DNAH2: variants seen among roughly 807,000 people sequenced by gnomAD.
The protein encoded by DNAH2 is dynein axonemal heavy chain 2, also known as axonemal beta dynein heavy chain 2.
DNAH2 carries 323 observed loss-of-function variants against 523.5 expected under a neutral mutation model. The ratio of observed to expected loss-of-function variants is 0.62; its 90% CI spans 0.56 to 0.68. The LOEUF (loss-of-function observed/expected upper bound fraction) is 0.68, where lower values mean the gene tolerates loss of function less well. Among genes scored for constraint, DNAH2 ranks in the 30% least tolerant of loss-of-function variants. The pLI is 0.00. For missense variants in DNAH2, 4,907 were observed against 5,701.5 expected, an observed-to-expected ratio of 0.86 and a Z score of 4.49; for synonymous variants, 2,093 against 2,177.4, an observed-to-expected ratio of 0.96 and a Z score of 1.08.
At position 7,817,872 on chromosome 17, in the gene DNAH2, G is replaced by A. The variant is rs544430546; in HGVS notation, c.10236+16G>A. ...AGGAGGCCAGGTGTGAGGCTGGGGG[G>A]TCAGGTTAGCCCCCCCCTTCCTGAG... On this transcript the variant is annotated intron_variant, in intron 67 of 85. Coordinates refer to ENST00000572933, the MANE Select transcript of DNAH2 (RefSeq NM_020877.5). 2.5e-6 allele frequency: 4 copies of A among 1,610,964 alleles called. No individual in the cohort carries two copies. The highest frequency in any genetic ancestry group is 4.5e-5 in the East Asian group (2 of 44,320).
Position 7,796,451 on chromosome 17 carries a change from G to C in DNAH2, c.7675-13G>C, listed in dbSNP as rs974869590. 5 of 1,613,064 alleles carry C rather than the reference G, an allele frequency of 3.1e-6. No individual in the cohort carries two copies. The African/African-American group carries it at 6.7e-5, about 22-fold the overall frequency. ...CCAGCAGCCCTGGAGAGTGAGCCAGGGTCTGTTTCTAGAAGTCCCAGATCA... is the reference window on the plus strand; with the variant it reads ...CCAGCAGCCCTGGAGAGTGAGCCAGCGTCTGTTTCTAGAAGTCCCAGATCA... On this transcript the variant is annotated splice_polypyrimidine_tract_variant and intron_variant, in intron 49 of 85. Coordinates refer to ENST00000572933, the MANE Select transcript of DNAH2 (RefSeq NM_020877.5).
intron 22 of DNAH2, among the ~76,000 whole-genome samples, chr17:7,767,407 C>T (rs536465192): frequency 6.6e-6 from 1 of 152,156 alleles, no homozygotes; most frequent in African/African-American, 2.4e-5. Context: ...CACGCGTGTA[C>T]TTGTATTTGT....
intron 12 of DNAH2, among the ~76,000 whole-genome samples, chr17:7,749,257 G>A (rs541249284): frequency 1.8e-4 from 23 of 128,514 alleles, no homozygotes; most frequent in Non-Finnish European, 7.8e-5. Context: ...GTGGTGAGCC[G>A]AGATTGCGCC....
intron 12 of DNAH2, among the ~76,000 whole-genome samples, chr17:7,746,851 G>C (rs2075530467): frequency 6.6e-6 from 1 of 152,124 alleles, no homozygotes; most frequent in Non-Finnish European, 1.5e-5. Flanking sequence ...GCCAGGCATG[G>C]TGGCGTGCGC....
intron 63 of DNAH2, among the ~76,000 whole-genome samples, chr17:7,812,396 T>A (rs990215276): frequency 6.6e-6 from 1 of 152,030 alleles, no homozygotes; most frequent in Non-Finnish European, 1.5e-5. Flanking sequence ...GGCCGGGGGA[T>A]TGCTTGAGCC....
rs552122897 is a variant in DNAH2, at chr17:7,757,158, G to A, written c.1972G>A (p.Val658Met). 7 of 1,614,180 alleles carry A rather than the reference G, an allele frequency of 4.3e-6. No individual in the cohort carries two copies. The highest frequency in any genetic ancestry group is 1.7e-5 in the Admixed American group (1 of 60,020). The change falls in exon 13 of 86, where the codon GTG becomes ATG. Residue 658 changes from valine (V) to methionine (M), a missense_variant. By Grantham distance (21) the Val-to-Met change is conservative (BLOSUM62 1). Coordinates refer to ENST00000572933, the MANE Select transcript of DNAH2 (RefSeq NM_020877.5). Reference protein sequence around the residue: ...ERLLFETPHYVVNVAERAEDL... With the variant: ...ERLLFETPHYMVNVAERAEDL... ...GCTGCTGTTTGAGACGCCCCATTAC[G>A]TGGTGAACGTAGCTGAGCGAGCCGA...
chr17:7,769,692 G>A (rs1419706224), intron 24 of DNAH2, among the ~76,000 whole-genome samples: 1 of 152,014 alleles, frequency 6.6e-6, no homozygotes, highest in Non-Finnish European at 1.5e-5. Flanking sequence ...CAAACCATTG[G>A]GGATAGATTT....
intron 44 of DNAH2, among the ~76,000 whole-genome samples, chr17:7,790,661 C>G (rs1367793725): frequency 6.6e-6 from 1 of 152,198 alleles, no homozygotes; most frequent in African/African-American, 2.4e-5. Flanking sequence ...CCTCACTCCA[C>G]ACAAGTAACT....
chr17:7,788,376 G>T, intron 44 of DNAH2, 132 bp downstream of exon 44: 2 of 1,146,236 alleles, frequency 1.7e-6, no homozygotes, highest in Non-Finnish European at 2.4e-6. Context: ...CCAGGGGGAG[G>T]CTTCAACGAC....
rs539380687 is a variant in DNAH2 at position 7,733,428 on chromosome 17, A to G, written c.628+113A>G. Reference sequence around the variant, plus strand: ...CTGTGTGGAGGAGGAAGTATTCAGCATGCTTATCGAATTGGTAGAATAGGG... The same window carrying G: ...CTGTGTGGAGGAGGAAGTATTCAGCGTGCTTATCGAATTGGTAGAATAGGG... On this transcript the variant is annotated intron_variant, in intron 5 of 85. Transcript: ENST00000572933. 2.3e-4 allele frequency: 220 copies of G among 936,862 alleles called. 3 individuals carry two copies. In the South Asian group the frequency reaches 3.0e-3, roughly 13 times the overall value. 58.0% of individuals were successfully genotyped at this position (936,862 alleles called of 1,614,324 possible).
At chr17:7,825,738 A>G (rs1397420808) in intron 77 of DNAH2, among the ~76,000 whole-genome samples, 1 of 152,136 alleles carries the variant, frequency 6.6e-6, no homozygotes, top group Non-Finnish European at 1.5e-5. Flanking sequence ...TTCAACTCTA[A>G]TCCCATCTCT....
chr17:7,811,938 G>A (rs187325098), intron 63 of DNAH2, among the ~76,000 whole-genome samples: 4 of 152,270 alleles, frequency 2.6e-5, no homozygotes, highest in Admixed American at 6.5e-5. Flanking sequence ...GAAGTCTCTC[G>A]TGAGCATTAT....
Position 7,723,486 on chromosome 17 carries a change from G to C in DNAH2, c.167-142G>C, listed in dbSNP as rs878915336. The C allele has an allele frequency of 4.6e-5, 30 of 645,250 alleles. No homozygotes were observed. In the South Asian group the frequency reaches 4.9e-4, roughly 11 times the overall value. 40.0% of individuals were successfully genotyped at this position (645,250 alleles called of 1,614,324 possible). ...GGGGTTTCACTATATTGGCCAGGCT[G>C]GTCTCAAACTCCTGACCTCAGGTGA... On this transcript the variant is annotated intron_variant, in intron 2 of 85. Transcript: ENST00000572933.
chr17:7,759,323 A>T, intron 15 of DNAH2, 99 bp from the exon 16 acceptor site: 1 of 1,499,828 alleles, frequency 6.7e-7, no homozygotes, highest in Non-Finnish European at 8.9e-7. Context: ...CGTTTCCATT[A>T]AACCAACTTG....
intron 18 of DNAH2, among the ~76,000 whole-genome samples, chr17:7,761,296 G>C (rs2075997921): frequency 6.6e-6 from 1 of 152,120 alleles, no homozygotes; most frequent in Non-Finnish European, 1.5e-5. Context: ...ACAGGATCTT[G>C]CTCTGTCATT....
chr17:7,734,285 G>T lies in DNAH2; in HGVS notation c.731G>T (p.Arg244Leu). Reference sequence around the variant, plus strand: ...ATAAAGGACAAAGAGCTGGTGCAACGGCTAGAGAGTGAGTGGCTGGCACTG... The same window carrying T: ...ATAAAGGACAAAGAGCTGGTGCAACTGCTAGAGAGTGAGTGGCTGGCACTG... ...MVIKDKELVQ[R>L]LETSMIHWTR... The change falls in exon 6 of 86, where the codon CGG becomes CTG. Residue 244 changes from arginine (R) to leucine (L), a missense_variant. Arg to Leu is a moderately radical substitution (Grantham distance 102, BLOSUM62 -2). This residue lies in a region of DNAH2 where 2,806 missense variants were observed against 3,190.8 expected (regional missense o/e 0.88). Transcript: ENST00000572933. 1 of 1,607,398 alleles carries T rather than the reference G, an allele frequency of 6.2e-7. No individual in the cohort carries two copies. The highest frequency in any genetic ancestry group is 1.7e-5 in the Admixed American group (1 of 58,746).
At position 7,792,258 on chromosome 17, in the gene DNAH2, G is replaced by T; in HGVS notation, c.7060G>T (p.Val2354Leu). The part of the protein sequence containing the change: ...IEGSFPNKDT[V>L]YEYFVDPKIR... ...ACCTACATGCCCTCCTTAGGACACG[G>T]TATATGAGTATTTTGTGGACCCCAA... The change falls in exon 46 of 86, where the codon GTA (valine) becomes TTA (leucine). Residue 2354 changes from valine (V) to leucine (L), a missense_variant. By Grantham distance (32) the Val-to-Leu change is conservative. Transcript: ENST00000572933. 1 of 1,614,010 alleles carries T rather than the reference G, an allele frequency of 6.2e-7. No individual in the cohort carries two copies. Among genetic ancestry groups the T allele is most frequent in the African/African-American group, 1.3e-5 (1 of 74,988 alleles).
chr17:7,778,114 A>T lies in DNAH2; in HGVS notation c.5285A>T (p.Gln1762Leu). ...DDCVIRQTNT[Q>L]FQYNYEYLGN... ...TGTGTCATCCGCCAGACCAACACGC[A>T]ATTTCAGTATAATTATGAGTACTTG... is the stretch of plus-strand genomic sequence containing the variant. The change falls in exon 34 of 86, where the codon CAA becomes CTA. Residue 1762 changes from glutamine (Q) to leucine (L), a missense_variant. Transcript: ENST00000572933. The T allele has an allele frequency of 1.2e-6, 2 of 1,614,164 alleles. No homozygotes were observed. The highest frequency in any genetic ancestry group is 2.2e-5 in the South Asian group (2 of 91,086).
chr17:7,816,748 G>A lies in DNAH2; in HGVS notation c.9894+13G>A. Reference sequence around the variant, plus strand: ...GGAGACAGTCCAGGTGAGATCAGCTGTACTACCTGGTGTCCTTTCACTCTG... The same window carrying A: ...GGAGACAGTCCAGGTGAGATCAGCTATACTACCTGGTGTCCTTTCACTCTG... On this transcript the variant is annotated intron_variant, in intron 64 of 85. Transcript: ENST00000572933. The A allele has an allele frequency of 6.2e-7, 1 of 1,612,024 alleles. No individual in the cohort carries two copies. The highest frequency in any genetic ancestry group is 8.5e-7 in the Non-Finnish European group (1 of 1,179,392).
Sources: gnomAD v4.1 joint callset for allele counts (sites outside exome capture counted in the v4.1 genomes callset) on GRCh38, gnomAD v4.1.1 for gene constraint, gnomAD v4.1.1 regional missense constraint, MANE v1.5 for transcripts, NCBI Gene and HGNC (gene_info 2026-07-23, HGNC 2026-07-21) for gene names.